SPATA24: variants seen among roughly 807,000 people sequenced by gnomAD.
SPATA24 encodes the protein spermatogenesis associated 24, also known as spermatogenesis-associated protein 24.
Under a neutral mutation model 28.9 loss-of-function variants are expected in SPATA24, and 21 were observed. The observed-to-expected ratio is 0.73, with a 90% CI of 0.52 to 1.05. SPATA24 has a LOEUF of 1.05. SPATA24 is among the 50% of genes least tolerant of loss of function. The pLI is 0.00. For synonymous variants in SPATA24, 76 were observed against 89.9 expected, an observed-to-expected ratio of 0.85 and a Z score of 0.88; for missense variants, 215 against 242.9, an observed-to-expected ratio of 0.88 and a Z score of 0.76.
downstream of SPATA24, chr5:139,393,699 C>T (rs1245659667): frequency 7.1e-6 from 11 of 1,550,878 alleles, no homozygotes; most frequent in Non-Finnish European, 8.7e-7. Flanking sequence ...CACACTGATT[C>T]CACTGGGAAA....
downstream of SPATA24, chr5:139,393,496 G>A (rs1207980843): frequency 6.4e-7 from 1 of 1,551,474 alleles, no homozygotes; most frequent in Non-Finnish European, 8.7e-7. Context: ...TGCTATCGAT[G>A]AGCCCGGCCC....
chr5:139,396,745 C>T (rs1183702496), downstream of SPATA24: 1 of 1,551,220 alleles, frequency 6.4e-7, no homozygotes, highest in East Asian at 2.4e-5. Context: ...ACTCCCAGAG[C>T]AGAGAAGGCA....
At chr5:139,393,551 T>A (rs1435975399), downstream of SPATA24, 4 of 1,551,154 alleles carry the variant, frequency 2.6e-6, no homozygotes, top group Admixed American at 5.9e-5. Flanking sequence ...CAAGTTCCAA[T>A]AGGACGATCT....
chr5:139,403,776 G>A (rs1758871948), intron 1 of SPATA24, among the ~76,000 whole-genome samples, 168 bp downstream of exon 1: 1 of 152,218 alleles, frequency 6.6e-6, no homozygotes, highest in South Asian at 2.1e-4. Context: ...GTTCAGGAAG[G>A]TCCGCCCCTT....
intron 1 of SPATA24, among the ~76,000 whole-genome samples, chr5:139,403,731 G>C (rs1247749634): frequency 6.6e-6 from 1 of 152,220 alleles, no homozygotes; most frequent in Non-Finnish European, 1.5e-5. Flanking sequence ...CAAACGGAAG[G>C]GAGAATATGG....
Position 139,401,739 on chromosome 5 carries a change from CG to C in SPATA24, c.385+15del. On this transcript the variant is annotated intron_variant, in intron 4 of 5. Coordinates refer to ENST00000450845, the MANE Select transcript of SPATA24 (RefSeq NM_194296.2). ...GTTTATATAACCGTGGTGGAGAGCACGGGCCTCCCGCCTACCATTGCACTTG... is the reference window on the plus strand; with the variant it reads ...GTTTATATAACCGTGGTGGAGAGCACGGCCTCCCGCCTACCATTGCACTTG... 6.4e-7 allele frequency: 1 copy of C among 1,551,440 alleles called. No individual in the cohort carries two copies. Among genetic ancestry groups the C allele is most frequent in the Non-Finnish European group, 8.7e-7 (1 of 1,146,786 alleles).
chr5:139,395,484 G>A (rs1025695142), downstream of SPATA24: 2 of 183,552 alleles, frequency 1.1e-5, no homozygotes, highest in Non-Finnish European at 2.2e-5. Flanking sequence ...GGCTGTGAGC[G>A]GGTGAACCAG....
downstream of SPATA24, chr5:139,394,041 C>T (rs752120033): frequency 8.4e-6 from 13 of 1,550,456 alleles, no homozygotes; most frequent in Non-Finnish European, 1.1e-5. Context: ...GGATCTTCTC[C>T]TCTGACTGAA....
At chr5:139,395,708 C>T (rs1758691399), downstream of SPATA24, 1 of 152,328 alleles carries the variant, frequency 6.6e-6, no homozygotes, top group Non-Finnish European at 1.5e-5. Context: ...CCTGACTCCT[C>T]AGGGCCTCAG....
rs1005757884 is a variant in SPATA24 at position 139,402,558 on chromosome 5, T to C, written c.183+70A>G. 5.7e-6 allele frequency: 8 copies of C among 1,401,898 alleles called. No homozygotes were observed. In the Admixed American group the frequency reaches 1.6e-4, roughly 28 times the overall value. 86.8% of individuals were successfully genotyped at this position (1,401,898 alleles called of 1,614,324 possible). On this transcript the variant is annotated intron_variant, in intron 2 of 5. Transcript: ENST00000450845. ...GCACCCATCAGAGGCTAATACTTAA[T>C]GAGCCTGCCTAACCACAGGGATCCT...
chr5:139,394,383 G>A, downstream of SPATA24: 1 of 1,400,020 alleles, frequency 7.1e-7, no homozygotes, highest in Non-Finnish European at 9.2e-7. Flanking sequence ...GGGAACCGGT[G>A]CGCAGGAGCA....
At chr5:139,399,350 A>T (rs1298023621) in intron 4 of SPATA24, among the ~76,000 whole-genome samples, 1 of 152,026 alleles carries the variant, frequency 6.6e-6, no homozygotes, top group Non-Finnish European at 1.5e-5. Context: ...ACAAGAATTA[A>T]CTAGAACACA....
intron 4 of SPATA24, 108 bp downstream of exon 4, chr5:139,401,647 G>A (rs1252523048): frequency 1.6e-6 from 2 of 1,254,026 alleles, no homozygotes; most frequent in Non-Finnish European, 2.3e-6. Context: ...TGTATCCTCA[G>A]CTGGGGACAG....
downstream of SPATA24, chr5:139,395,043 G>C (rs949064951): frequency 6.3e-6 from 9 of 1,429,534 alleles, no homozygotes; most frequent in African/African-American, 6.1e-5. Flanking sequence ...GCTGCCTCGG[G>C]ATCCCAGGCA....
intron 4 of SPATA24, 57 bp downstream of exon 4, chr5:139,401,698 G>T (rs1409700596): frequency 6.6e-7 from 1 of 1,508,020 alleles, no homozygotes; most frequent in Admixed American, 2.0e-5. Context: ...GGCACTGGGT[G>T]GTTAGGAAAG....
chr5:139,397,559 T>C (rs1758738840), intron 4 of SPATA24, among the ~76,000 whole-genome samples: 1 of 152,054 alleles, frequency 6.6e-6, no homozygotes, highest in Non-Finnish European at 1.5e-5. Context: ...TTCTCTTTTT[T>C]TTTTTTTTGT....
At chr5:139,401,725 C>G (rs867097660) in intron 4 of SPATA24, 30 bp downstream of exon 4, 2 of 1,550,004 alleles carry the variant, frequency 1.3e-6, no homozygotes, top group Non-Finnish European at 1.7e-6. Context: ...TTTATATAAC[C>G]GTGGTGGAGA....
chr5:139,403,966 A>C lies in SPATA24; in HGVS notation c.95T>G (p.Leu32Arg). The stretch of plus-strand genomic sequence containing the variant: ...TACCACGTTCCTCAGCTGGTGGATT[A>C]GTTCCTCCTGAGACTCAATCACGTC... ...LRDVIESQEE[L>R]IHQLRNVMVL... The change falls in exon 1 of 6, where the codon CTA becomes CGA. Residue 32 changes from leucine (L) to arginine (R), a missense_variant. Physicochemically the swap from Leu to Arg is moderately radical, Grantham distance 102. Coordinates refer to ENST00000450845, the MANE Select transcript of SPATA24 (RefSeq NM_194296.2). 6.4e-7 allele frequency: 1 copy of C among 1,551,750 alleles called. No individual in the cohort carries two copies. The highest frequency in any genetic ancestry group is 8.7e-7 in the Non-Finnish European group (1 of 1,146,972).
downstream of SPATA24, chr5:139,394,163 C>T (rs759130864): frequency 5.4e-5 from 84 of 1,545,762 alleles, no homozygotes; most frequent in Non-Finnish European, 6.6e-5. Context: ...TTGGCGGGGG[C>T]CGAATTATCT....
Sources: gnomAD v4.1 joint callset for allele counts (sites outside exome capture counted in the v4.1 genomes callset) on GRCh38, gnomAD v4.1.1 for gene constraint, MANE v1.5 for transcripts, NCBI Gene and HGNC (gene_info 2026-07-23, HGNC 2026-07-21) for gene names.